Variants in MYO18B observed in about 807,000 individuals in gnomAD.
The protein encoded by MYO18B is unconventional myosin-XVIIIb.
A neutral mutation model predicts 273.0 loss-of-function variants in MYO18B; 204 were observed. That is an observed-to-expected ratio of 0.75 (90% CI 0.67 to 0.84). MYO18B has a LOEUF of 0.84. MYO18B is among the 40% of genes least tolerant of loss of function. The probability of loss-of-function intolerance (pLI) is 0.00; values close to 1 mark genes in which losing one functional copy is unlikely to be tolerated. For synonymous variants in MYO18B, 1,330 were observed against 1,305.7 expected (o/e 1.02, Z -0.40); for missense variants, 3,212 against 3,287.6 (o/e 0.98, Z 0.56).
At chr22:25,821,205 A>G (rs1473589437) in intron 12 of MYO18B, among the ~76,000 whole-genome samples, 1 of 152,174 alleles carries the variant, frequency 6.6e-6, no homozygotes, top group Non-Finnish European at 1.5e-5. Context: ...TTGCTGGATC[A>G]TACAGTAGTT....
At chr22:25,773,260 C>T (rs1197638023) in intron 7 of MYO18B, among the ~76,000 whole-genome samples, 1 of 152,084 alleles carries the variant, frequency 6.6e-6, no homozygotes, top group Admixed American at 6.5e-5. Flanking sequence ...AGGGAAGGTG[C>T]CAGGCGAGCA....
At chr22:25,752,924 C>A (rs2085979876) in intron 1 of MYO18B, among the ~76,000 whole-genome samples, 1 of 152,206 alleles carries the variant, frequency 6.6e-6, no homozygotes. Context: ...TAGCCCCGGA[C>A]AGTGAGGCGC....
At chr22:26,044,197 G>A in the MYO18B span, among the ~76,000 whole-genome samples, 1 of 152,126 alleles carries the variant, frequency 6.6e-6, no homozygotes, top group African/African-American at 2.4e-5. Context: ...TTATCCAGTT[G>A]TAAGAATTCT....
downstream of MYO18B, among the ~76,000 whole-genome samples, chr22:26,033,438 T>G (rs1468958375): frequency 6.6e-6 from 1 of 152,224 alleles, no homozygotes; most frequent in Non-Finnish European, 1.5e-5. Context: ...TGTTAAAAAT[T>G]TATAATACGT....
intron 36 of MYO18B, among the ~76,000 whole-genome samples, chr22:25,948,806 G>A (rs923249875): frequency 6.6e-6 from 1 of 152,034 alleles, no homozygotes; most frequent in African/African-American, 2.4e-5. Flanking sequence ...AGTCCAGAAA[G>A]GAAGTGTACA....
intron 40 of MYO18B, among the ~76,000 whole-genome samples, chr22:25,996,270 G>A (rs1458152106): frequency 6.9e-6 from 1 of 145,606 alleles, no homozygotes; most frequent in Non-Finnish European, 1.5e-5. Flanking sequence ...GGGGCTCAAC[G>A]AGAATCATCA....
intron 33 of MYO18B, among the ~76,000 whole-genome samples, chr22:25,912,855 C>T (rs2092184530): frequency 6.6e-6 from 1 of 152,180 alleles, no homozygotes; most frequent in African/African-American, 2.4e-5. Context: ...ATTTCAACTT[C>T]AGCCACATGC....
the MYO18B span, among the ~76,000 whole-genome samples, chr22:26,041,468 G>A: frequency 6.6e-6 from 1 of 152,048 alleles, no homozygotes; most frequent in Admixed American, 6.5e-5. Context: ...GGAGGTAGAG[G>A]TTGCAGGGAA....
At chr22:25,882,983 A>G (rs777188055) in intron 25 of MYO18B, among the ~76,000 whole-genome samples, 5 of 152,034 alleles carry the variant, frequency 3.3e-5, no homozygotes, top group Non-Finnish European at 7.4e-5. Context: ...TGCAGCCTCA[A>G]CCTCCTGGGC....
chr22:25,847,692 C>T, intron 20 of MYO18B, 40 bp downstream of exon 20: 3 of 1,471,716 alleles, frequency 2.0e-6, no homozygotes, highest in Non-Finnish European at 2.8e-6. Context: ...TCTCTGACTC[C>T]TGGGACATGT....
chr22:25,856,482 A>G (rs1482987294), intron 21 of MYO18B, among the ~76,000 whole-genome samples: 1 of 152,210 alleles, frequency 6.6e-6, no homozygotes, highest in Non-Finnish European at 1.5e-5. Context: ...GGCACCAGCA[A>G]CTTCCATACA....
At chr22:25,943,767 T>TG (rs1324826179) in intron 34 of MYO18B, among the ~76,000 whole-genome samples, 1 of 142,624 alleles carries the variant, frequency 7.0e-6, no homozygotes, top group Non-Finnish European at 1.5e-5. Flanking sequence ...TTACCCAGGC[T>TG]GGAGTGCAAT....
At chr22:26,014,108 G>A (rs527945780) in intron 42 of MYO18B, among the ~76,000 whole-genome samples, 37 of 151,946 alleles carry the variant, frequency 2.4e-4, no homozygotes, top group African/African-American at 7.7e-4. Context: ...CTTATTTTTT[G>A]TAGACATTGT....
At chr22:26,041,531 C>A in the MYO18B span, among the ~76,000 whole-genome samples, 4 of 152,000 alleles carry the variant, frequency 2.6e-5, no homozygotes, top group Admixed American at 2.0e-4. Flanking sequence ...GGCTCTATCT[C>A]AAAAATAATA....
At chr22:25,882,844 A>G (rs2091382872) in intron 25 of MYO18B, among the ~76,000 whole-genome samples, 1 of 152,176 alleles carries the variant, frequency 6.6e-6, no homozygotes, top group Non-Finnish European at 1.5e-5. Context: ...TACCACCCAA[A>G]TAGTGTGCCT....
At chr22:26,001,514 A>G (rs1355792833) in intron 40 of MYO18B, among the ~76,000 whole-genome samples, 4 of 152,218 alleles carry the variant, frequency 2.6e-5, no homozygotes, top group African/African-American at 7.2e-5. Context: ...AAGGAAAGGC[A>G]GTAGAGAGAA....
At chr22:25,917,339 A>G (rs1056016281) in intron 33 of MYO18B, among the ~76,000 whole-genome samples, 2 of 152,146 alleles carry the variant, frequency 1.3e-5, no homozygotes, top group Admixed American at 6.5e-5. Flanking sequence ...CAGTTCTGTC[A>G]TAGTTTCTCT....
At chr22:25,880,927 C>T (rs1280711196) in intron 25 of MYO18B, among the ~76,000 whole-genome samples, 4 of 152,146 alleles carry the variant, frequency 2.6e-5, no homozygotes, top group African/African-American at 7.2e-5. Flanking sequence ...TGGCAGGTGC[C>T]GAGGTCCTGG....
At chr22:25,794,471 C>T (rs2087819191) in intron 11 of MYO18B, among the ~76,000 whole-genome samples, 1 of 151,978 alleles carries the variant, frequency 6.6e-6, no homozygotes, top group Non-Finnish European at 1.5e-5. Flanking sequence ...CAGGCATGAG[C>T]CACCACAGCT....
Sources: gnomAD v4.1 joint callset for allele counts (sites outside exome capture counted in the v4.1 genomes callset) on GRCh38, gnomAD v4.1.1 for gene constraint, MANE v1.5 for transcripts, NCBI Gene and HGNC (gene_info 2026-07-23, HGNC 2026-07-21) for gene names.